Variants in CDKAL1 observed in about 807,000 individuals in gnomAD.
CDKAL1 encodes CDKAL1 threonylcarbamoyladenosine tRNA methylthiotransferase.
CDKAL1 carries 32 observed loss-of-function variants against 68.2 expected under a neutral mutation model. The observed-to-expected ratio is 0.47, with a 90% CI of 0.35 to 0.63. The LOEUF (loss-of-function observed/expected upper bound fraction) is 0.63, where lower values mean the gene tolerates loss of function less well. CDKAL1 is among the 30% of genes least tolerant of loss of function. The pLI is 0.00. For missense variants in CDKAL1, 606 were observed against 696.7 expected (o/e 0.87, Z 1.47); for synonymous variants, 234 against 244.3 (o/e 0.96, Z 0.39).
chr6:20,802,293 T>G (rs1464005421), intron 8 of CDKAL1, among the ~76,000 whole-genome samples: 5 of 123,370 alleles, frequency 4.1e-5, no homozygotes, highest in African/African-American at 1.6e-4. Flanking sequence ...CAAGACTCCG[T>G]CTCAAAAAAC....
intron 8 of CDKAL1, among the ~76,000 whole-genome samples, chr6:20,798,855 A>G (rs1776227963): frequency 6.6e-6 from 1 of 150,504 alleles, no homozygotes; most frequent in Non-Finnish European, 1.5e-5. Flanking sequence ...TGGCACATGT[A>G]TACATATGTA....
At chr6:20,536,342 A>T (rs1208183336) in intron 2 of CDKAL1, among the ~76,000 whole-genome samples, 1 of 152,014 alleles carries the variant, frequency 6.6e-6, no homozygotes, top group Admixed American at 6.6e-5. Context: ...ATTTGTGCTT[A>T]TGTTTTTTTC....
At chr6:20,626,086 T>C (rs1472081986) in intron 4 of CDKAL1, among the ~76,000 whole-genome samples, 1 of 152,196 alleles carries the variant, frequency 6.6e-6, no homozygotes, top group East Asian at 1.9e-4. Flanking sequence ...TGTAATTATT[T>C]TACTTCTAAG....
At chr6:20,730,573 G>A (rs1399964782) in intron 5 of CDKAL1, among the ~76,000 whole-genome samples, 2 of 151,726 alleles carry the variant, frequency 1.3e-5, no homozygotes, top group Non-Finnish European at 2.9e-5. Flanking sequence ...GGCCAGGTGT[G>A]GTGGCTCATG....
intron 5 of CDKAL1, among the ~76,000 whole-genome samples, chr6:20,701,055 T>C (rs1351936566): frequency 1.3e-5 from 2 of 152,144 alleles, no homozygotes; most frequent in Admixed American, 1.3e-4. Flanking sequence ...TAGAGAATAA[T>C]ACAAAATTTC....
intron 8 of CDKAL1, among the ~76,000 whole-genome samples, chr6:20,818,380 A>C (rs1269934891): frequency 6.6e-6 from 1 of 152,178 alleles, no homozygotes; most frequent in Non-Finnish European, 1.5e-5. Flanking sequence ...TGTATTATAA[A>C]TAGCAATCCA....
intron 7 of CDKAL1, among the ~76,000 whole-genome samples, chr6:20,779,258 C>T (rs1775310740): frequency 6.6e-6 from 1 of 152,130 alleles, no homozygotes. Context: ...ATAAATTTAC[C>T]ACATGATCCA....
chr6:20,638,195 A>T (rs1767990684), intron 4 of CDKAL1, among the ~76,000 whole-genome samples: 1 of 152,210 alleles, frequency 6.6e-6, no homozygotes, highest in African/African-American at 2.4e-5. Flanking sequence ...CAGTTACATC[A>T]GTATAGTGTG....
At chr6:20,920,497 A>G (rs1762905349) in intron 9 of CDKAL1, among the ~76,000 whole-genome samples, 1 of 152,180 alleles carries the variant, frequency 6.6e-6, no homozygotes, top group Admixed American at 6.5e-5. Flanking sequence ...TTATATTGCA[A>G]TACTATTCTT....
chr6:21,062,166 T>A (rs7744921), intron 11 of CDKAL1, among the ~76,000 whole-genome samples: 1 of 152,206 alleles, frequency 6.6e-6, no homozygotes, highest in Non-Finnish European at 1.5e-5. Flanking sequence ...GAATACCCCA[T>A]AATCTAGTGC....
intron 5 of CDKAL1, among the ~76,000 whole-genome samples, chr6:20,733,870 C>T (rs575595619): frequency 6.6e-5 from 10 of 151,834 alleles, no homozygotes; most frequent in East Asian, 1.9e-4. Flanking sequence ...TTGTACAGGC[C>T]GGGCATGGTG....
intron 6 of CDKAL1, among the ~76,000 whole-genome samples, chr6:20,752,878 G>T (rs900934268): frequency 6.6e-6 from 1 of 152,014 alleles, no homozygotes; most frequent in African/African-American, 2.4e-5. Context: ...ATTCATAGTA[G>T]CATTCAGGTC....
intron 6 of CDKAL1, among the ~76,000 whole-genome samples, chr6:20,748,471 G>A (rs1773755497): frequency 6.7e-6 from 1 of 149,206 alleles, no homozygotes; most frequent in Non-Finnish European, 1.5e-5. Context: ...AGGCTGTGGT[G>A]AGTTCCAGGC....
intron 5 of CDKAL1, among the ~76,000 whole-genome samples, chr6:20,671,337 T>C (rs537263226): frequency 1.3e-5 from 2 of 152,360 alleles, no homozygotes; most frequent in African/African-American, 2.4e-5. Flanking sequence ...ATGTCTCTTA[T>C]TGTTTATCTA....
At chr6:20,791,832 T>TC (rs947530864) in intron 8 of CDKAL1, among the ~76,000 whole-genome samples, 11 of 152,274 alleles carry the variant, frequency 7.2e-5, no homozygotes, top group African/African-American at 2.6e-4. Flanking sequence ...CCTTTTTTTT[T>TC]CCCACTTCTA....
At chr6:20,897,619 G>A (rs1323643469) in intron 9 of CDKAL1, among the ~76,000 whole-genome samples, 1 of 152,132 alleles carries the variant, frequency 6.6e-6, no homozygotes, top group East Asian at 1.9e-4. Flanking sequence ...ATTCAGATAA[G>A]TCTACTTTTT....
intron 6 of CDKAL1, among the ~76,000 whole-genome samples, chr6:20,741,846 A>C (rs1773474092): frequency 6.6e-6 from 1 of 152,178 alleles, no homozygotes; most frequent in African/African-American, 2.4e-5. Context: ...TTGCTGGGTC[A>C]AATGGTAGTT....
chr6:20,744,521 C>G (rs1483044564), intron 6 of CDKAL1, among the ~76,000 whole-genome samples: 2 of 152,080 alleles, frequency 1.3e-5, no homozygotes, highest in Non-Finnish European at 2.9e-5. Flanking sequence ...GGAGAGAATT[C>G]TGGTTTGAGT....
intron 3 of CDKAL1, among the ~76,000 whole-genome samples, chr6:20,547,248 A>G (rs1581705204): frequency 6.6e-6 from 1 of 152,230 alleles, no homozygotes; most frequent in East Asian, 1.9e-4. Flanking sequence ...TTGGTTAAAA[A>G]GAAATGAGAT....
Sources: gnomAD v4.1 joint callset for allele counts (sites outside exome capture counted in the v4.1 genomes callset) on GRCh38, gnomAD v4.1.1 for gene constraint, MANE v1.5 for transcripts, NCBI Gene and HGNC (gene_info 2026-07-23, HGNC 2026-07-21) for gene names.